SRBD1: variants seen among roughly 807,000 people sequenced by gnomAD.
The protein encoded by SRBD1 is S1 RNA-binding domain-containing protein 1.
Under a neutral mutation model 115.3 loss-of-function variants are expected in SRBD1, and 88 were observed. The observed-to-expected ratio is 0.76, with a 90% confidence interval of 0.64 to 0.91. The LOEUF is 0.91. Among genes scored for constraint, SRBD1 ranks in the 40% least tolerant of loss-of-function variants. The pLI, the probability that SRBD1 is intolerant of heterozygous loss-of-function variation, is 0.00. For synonymous variants in SRBD1, 509 were observed against 407.7 expected, an observed-to-expected ratio of 1.25 and a Z score of -2.99; for missense variants, 1,385 against 1,177.4, an observed-to-expected ratio of 1.18 and a Z score of -2.58.
chr2:45,507,766 T>A (rs537594473), intron 14 of SRBD1, among the ~76,000 whole-genome samples: 2 of 151,854 alleles, frequency 1.3e-5, no homozygotes, highest in East Asian at 3.9e-4. Context: ...ATAATAATAA[T>A]CCATATTCAG....
At chr2:45,507,912 A>G (rs1034845808) in intron 14 of SRBD1, among the ~76,000 whole-genome samples, 3 of 152,130 alleles carry the variant, frequency 2.0e-5, no homozygotes, top group African/African-American at 4.8e-5. Context: ...AGATGAATTC[A>G]TAAGTGGCAG....
intron 14 of SRBD1, among the ~76,000 whole-genome samples, chr2:45,493,068 CT>C (rs1233799113): frequency 6.6e-6 from 1 of 152,182 alleles, no homozygotes; most frequent in African/African-American, 2.4e-5. Flanking sequence ...GCATCTTCCC[CT>C]TTTCCTTCCT....
At chr2:45,437,349 T>A in intron 16 of SRBD1, among the ~76,000 whole-genome samples, 1 of 100,936 alleles carries the variant, frequency 9.9e-6, no homozygotes. Context: ...GACACTGCAG[T>A]ATTGGTTTAA....
intron 16 of SRBD1, among the ~76,000 whole-genome samples, chr2:45,439,156 C>T (rs925118709): frequency 6.6e-6 from 1 of 151,528 alleles, no homozygotes; most frequent in Non-Finnish European, 1.5e-5. Flanking sequence ...TTAAAGATAA[C>T]GGAAAAGGGA....
At chr2:45,421,881 T>A (rs966199479) in intron 16 of SRBD1, among the ~76,000 whole-genome samples, 4 of 152,142 alleles carry the variant, frequency 2.6e-5, no homozygotes, top group Non-Finnish European at 4.4e-5. Flanking sequence ...GATGTCATTT[T>A]AAAAATCTAA....
At chr2:45,596,785 G>A (rs1673909139) in intron 4 of SRBD1, among the ~76,000 whole-genome samples, 1 of 152,028 alleles carries the variant, frequency 6.6e-6, no homozygotes, top group South Asian at 2.1e-4. Flanking sequence ...AAGGTATTAT[G>A]GTAAAAGAAA....
intron 1 of SRBD1, among the ~76,000 whole-genome samples, chr2:45,609,694 C>T (rs1399179016): frequency 1.3e-5 from 2 of 152,280 alleles, no homozygotes; most frequent in East Asian, 3.9e-4. Context: ...CTTCCCCCTG[C>T]TTGTCAATTG....
At chr2:45,550,582 A>T (rs1244758625) in intron 12 of SRBD1, among the ~76,000 whole-genome samples, 2 of 152,164 alleles carry the variant, frequency 1.3e-5, no homozygotes, top group Non-Finnish European at 2.9e-5. Context: ...TTCTTCAAAA[A>T]TGAAGGCAAA....
In SRBD1 at chr2:45,388,994, C is replaced by A; in HGVS notation, c.*316G>T. ...CAGATGTTGGCAAGTAGAAGTTAAGCAATCTGTTATACAAAATGCAAAAGG... is the reference window on the plus strand; with the variant it reads ...CAGATGTTGGCAAGTAGAAGTTAAGAAATCTGTTATACAAAATGCAAAAGG... On this transcript the variant is annotated 3_prime_UTR_variant, in exon 21 of 21. Transcript: ENST00000263736. 4.0e-6 allele frequency: 1 copy of A among 250,826 alleles called. No individual in the cohort carries two copies. Among genetic ancestry groups the A allele is most frequent in the Non-Finnish European group, 7.6e-6 (1 of 130,756 alleles). 15.5% of individuals were successfully genotyped at this position (250,826 alleles called of 1,614,324 possible).
chr2:45,585,613 C>T lies in SRBD1; in HGVS notation c.810G>A (p.Glu270=). The change falls in exon 5 of 21, where the codon GAG becomes GAA. Residue 270 remains glutamate (E), a synonymous_variant. Coordinates refer to ENST00000263736, the MANE Select transcript of SRBD1 (RefSeq NM_018079.5). ...TTCTTTTTTAGGTTTCTTACCGTAG[C>T]TCTTCTAGGGTTTGCTGAACTTCTC... The part of the protein sequence containing the change: ...SLREVQQTLE[E]LRAVAKKVHS... 6.2e-7 allele frequency: 1 copy of T among 1,607,920 alleles called. No homozygotes were observed. Among genetic ancestry groups the T allele is most frequent in the Non-Finnish European group, 8.5e-7 (1 of 1,178,358 alleles).
chr2:45,598,078 C>A (rs947216867), intron 4 of SRBD1, among the ~76,000 whole-genome samples: 1 of 152,152 alleles, frequency 6.6e-6, no homozygotes, highest in African/African-American at 2.4e-5. Context: ...TGGTCTGGAA[C>A]CAAGAACTTT....
chr2:45,551,742 G>A (rs780714851), intron 11 of SRBD1, among the ~76,000 whole-genome samples: 27 of 152,180 alleles, frequency 1.8e-4, no homozygotes, highest in Admixed American at 1.2e-3. Context: ...AAGAAACAGC[G>A]AGACAGAAGT....
intron 14 of SRBD1, among the ~76,000 whole-genome samples, chr2:45,515,204 C>T (rs1241078113): frequency 6.6e-6 from 1 of 152,130 alleles, no homozygotes; most frequent in Admixed American, 6.5e-5. Flanking sequence ...TGAGTGTTAA[C>T]ATTTGCAGTT....
At chr2:45,512,829 T>C (rs1671009382) in intron 14 of SRBD1, among the ~76,000 whole-genome samples, 1 of 152,200 alleles carries the variant, frequency 6.6e-6, no homozygotes, top group Non-Finnish European at 1.5e-5. Context: ...TATTTTTCTT[T>C]ATGCCTGTAT....
rs139399399 is a variant in SRBD1 at position 45,602,085 on chromosome 2, T to C, written c.81-2A>G. 1.5e-4 allele frequency: 239 copies of C among 1,608,788 alleles called. No homozygotes were observed. Among genetic ancestry groups the C allele is most frequent in the Non-Finnish European group, 2.0e-4 (230 of 1,177,738 alleles). On this transcript the variant is annotated splice_acceptor_variant, in intron 2 of 20. Coordinates refer to ENST00000263736, the MANE Select transcript of SRBD1 (RefSeq NM_018079.5). LOFTEE classifies it high-confidence loss of function. ...TCATCTTCTTCAGAGGCAGATGATC[T>C]AGAAGTAAATCAACAGAATAATCTC...
chr2:45,544,219 C>G (rs6544829), intron 14 of SRBD1, among the ~76,000 whole-genome samples: 4,454 of 100,976 alleles, frequency 0.044, 259 homozygotes, highest in African/African-American at 0.16. Flanking sequence ...GGTAACAAAG[C>G]AAGACTCCGG....
At chr2:45,583,496 T>C (rs1174165045) in intron 5 of SRBD1, among the ~76,000 whole-genome samples, 2 of 152,224 alleles carry the variant, frequency 1.3e-5, no homozygotes, top group Non-Finnish European at 2.9e-5. Context: ...TTTTCAACAG[T>C]GAATTTAAAA....
chr2:45,601,880 C>G, intron 3 of SRBD1, 23 bp downstream of exon 3: 1 of 1,612,494 alleles, frequency 6.2e-7, no homozygotes, highest in East Asian at 2.2e-5. Context: ...ACAGAGTTCC[C>G]TCTATCCAGC....
intron 14 of SRBD1, among the ~76,000 whole-genome samples, chr2:45,521,654 A>G (rs1671286537): frequency 6.6e-6 from 1 of 152,132 alleles, no homozygotes. Flanking sequence ...CTACATATAT[A>G]TTACCAGCAA....
Sources: allele counts gnomAD v4.1 joint callset (sites outside exome capture counted in the v4.1 genomes callset), GRCh38; gene constraint gnomAD v4.1.1; transcripts MANE v1.5; gene names NCBI Gene and HGNC (gene_info 2026-07-23, HGNC 2026-07-21).